Variants in MACF1 observed in about 807,000 individuals in gnomAD.
MACF1 encodes the protein microtubule actin crosslinking factor 1, also known as microtubule-actin cross-linking factor 1.
MACF1 carries 193 observed loss-of-function variants against 854.8 expected under a neutral mutation model. The observed-to-expected ratio is 0.23, with a 90% CI of 0.20 to 0.25. The LOEUF (loss-of-function observed/expected upper bound fraction) is 0.25. Ranked by LOEUF, MACF1 falls within the 10% of genes least tolerant of loss-of-function variation. The pLI is 1.00. For synonymous variants in MACF1, 3,185 were observed against 3,226.7 expected, an observed-to-expected ratio of 0.99 and a Z score of 0.44; for missense variants, 7,722 against 8,929.1, an observed-to-expected ratio of 0.86 and a Z score of 5.45.
In MACF1 at chr1:39,333,966, A is replaced by G; in HGVS notation, c.7378A>G (p.Ile2460Val). The G allele has an allele frequency of 6.2e-7, 1 of 1,614,220 alleles. No individual in the cohort carries two copies. Among genetic ancestry groups the G allele is most frequent in the Admixed American group, 1.7e-5 (1 of 60,026 alleles). ...DAEKTVRERL[I>V]SLQMETTGLI... ...TGAAAAAACAGTTAGGGAGAGATTA[A>G]TTAGTTTACAAATGGAAACAACAGG... The change falls in exon 37 of 101, where the codon ATT becomes GTT. Residue 2460 changes from isoleucine (I) to valine (V), a missense_variant. This residue lies in a region of MACF1 where 1,531 missense variants were observed against 1,601.6 expected (regional missense o/e 0.96). Coordinates refer to ENST00000564288, the MANE Select transcript of MACF1 (RefSeq NM_001394062.1).
At position 39,331,706 on chromosome 1, in the gene MACF1, G is replaced by C. The variant is rs758672397; in HGVS notation, c.5118G>C (p.Glu1706Asp). Residue 1706 changes from glutamate to aspartate, a missense_variant, in exon 37 of 101, where the codon GAG becomes GAC. Transcript: ENST00000564288. ...ATTTGATAGACCCTAACACAGCTGAGAAAATTGGTTTGCTGGATCTGATGC... is the reference window on the plus strand; with the variant it reads ...ATTTGATAGACCCTAACACAGCTGACAAAATTGGTTTGCTGGATCTGATGC... ...SKNLIDPNTAEKIGLLDLMQR... is the reference protein window; with the variant it reads ...SKNLIDPNTADKIGLLDLMQR... 6.2e-7 allele frequency: 1 copy of C among 1,614,052 alleles called. No individual in the cohort carries two copies. Among genetic ancestry groups the C allele is most frequent in the African/African-American group, 1.3e-5 (1 of 74,912 alleles).
chr1:39,219,939 C>T (rs895240875), intron 1 of MACF1, among the ~76,000 whole-genome samples: 27 of 151,814 alleles, frequency 1.8e-4, no homozygotes, highest in Admixed American at 1.3e-3. Flanking sequence ...TTAGTAGAGA[C>T]GGGGTTTTGC....
At position 39,336,326 on chromosome 1, in the gene MACF1, T is replaced by C; in HGVS notation, c.9738T>C (p.Asn3246=). 6.2e-7 allele frequency: 1 copy of C among 1,614,158 alleles called. No homozygotes were observed. The change falls in exon 37 of 101, where the codon AAT becomes AAC. Residue 3246 remains asparagine (N), a synonymous_variant. Coordinates refer to ENST00000564288, the MANE Select transcript of MACF1 (RefSeq NM_001394062.1). ...AATTTCTAGAAATGGCAAACCCTAATGTTGCAGGTCTAGAAGCAGGATCCA... is the reference window on the plus strand; with the variant it reads ...AATTTCTAGAAATGGCAAACCCTAACGTTGCAGGTCTAGAAGCAGGATCCA... ...GEKFLEMANP[N]VAGLEAGSIE...
intron 43 of MACF1, among the ~76,000 whole-genome samples, chr1:39,352,478 G>A (rs540785506): frequency 6.6e-6 from 1 of 152,288 alleles, no homozygotes; most frequent in South Asian, 2.1e-4. Flanking sequence ...TGCTGGGGTG[G>A]CAGGACTAAA....
At chr1:39,403,106 G>C in intron 58 of MACF1, among the ~76,000 whole-genome samples, 1 of 146,766 alleles carries the variant, frequency 6.8e-6, no homozygotes, top group African/African-American at 2.5e-5. Context: ...GTTTTGTTTT[G>C]TTTTGTTTTG....
chr1:39,159,946 T>C (rs1366084351), intron 2 of MACF1, among the ~76,000 whole-genome samples: 2 of 152,142 alleles, frequency 1.3e-5, no homozygotes, highest in Admixed American at 6.5e-5. Context: ...GGTATGTAGA[T>C]GTTTTACTTT....
intron 58 of MACF1, among the ~76,000 whole-genome samples, chr1:39,408,690 A>G (rs1001261548): frequency 5.3e-5 from 8 of 151,880 alleles, no homozygotes; most frequent in Non-Finnish European, 8.8e-5. Context: ...TTCCTTTGTC[A>G]GGGGATTTGC....
intron 36 of MACF1, among the ~76,000 whole-genome samples, chr1:39,330,480 A>T (rs549552070): frequency 6.6e-6 from 1 of 152,234 alleles, no homozygotes; most frequent in East Asian, 1.9e-4. Flanking sequence ...AACACCAAAA[A>T]CTTGTTGTAT....
intron 31 of MACF1, among the ~76,000 whole-genome samples, chr1:39,321,305 T>G (rs992479566): frequency 6.6e-6 from 1 of 152,238 alleles, no homozygotes; most frequent in African/African-American, 2.4e-5. Context: ...TGAGTGATTG[T>G]AAAGATTAAA....
In MACF1 at chr1:39,331,854, C is replaced by T. The variant is rs1286903117; in HGVS notation, c.5266C>T (p.Leu1756=). 6.2e-7 allele frequency: 1 copy of T among 1,613,976 alleles called. No homozygotes were observed. Among genetic ancestry groups the T allele is most frequent in the Non-Finnish European group, 8.5e-7 (1 of 1,180,020 alleles). The change falls in exon 37 of 101, where the codon CTA becomes TTA. Residue 1756 remains leucine, a synonymous_variant. Coordinates refer to ENST00000564288, the MANE Select transcript of MACF1 (RefSeq NM_001394062.1). ...CATTTTCCGTGCAGTTCAGGAAGGGCTAATAGATAGGCAGGTCACTGTCCG... is the reference window on the plus strand; with the variant it reads ...CATTTTCCGTGCAGTTCAGGAAGGGTTAATAGATAGGCAGGTCACTGTCCG... ...VSIFRAVQEG[L]IDRQVTVRLL...
At chr1:39,424,863 T>C (rs1399600033) in intron 61 of MACF1, among the ~76,000 whole-genome samples, 2 of 152,220 alleles carry the variant, frequency 1.3e-5, no homozygotes, top group Admixed American at 6.5e-5. Flanking sequence ...ATAAGAGAGC[T>C]GATCATTTGT....
intron 2 of MACF1, among the ~76,000 whole-genome samples, chr1:39,154,733 T>TA (rs1348934046): frequency 6.6e-6 from 1 of 151,932 alleles, no homozygotes; most frequent in African/African-American, 2.4e-5. Flanking sequence ...TTTTTTTTTT[T>TA]AACAGCCATC....
chr1:39,345,452 A>G (rs1466157334), intron 40 of MACF1, among the ~76,000 whole-genome samples: 2 of 152,084 alleles, frequency 1.3e-5, no homozygotes, highest in Non-Finnish European at 2.9e-5. Context: ...TCTACAGATA[A>G]CTTAAAAAAT....
At chr1:39,476,651 A>G (rs1644889848) in intron 97 of MACF1, among the ~76,000 whole-genome samples, 6 of 152,236 alleles carry the variant, frequency 3.9e-5, no homozygotes, top group Admixed American at 3.9e-4. Flanking sequence ...TTGTCACAGC[A>G]TTGGCTACAA....
At chr1:39,365,290 A>G (rs559048085) in intron 49 of MACF1, among the ~76,000 whole-genome samples, 10 of 152,052 alleles carry the variant, frequency 6.6e-5, no homozygotes, top group African/African-American at 1.9e-4. Flanking sequence ...GTTAGCCAGG[A>G]TGGTCTCGAT....
chr1:39,467,412 G>T (rs1644693604), intron 95 of MACF1, among the ~76,000 whole-genome samples: 1 of 152,062 alleles, frequency 6.6e-6, no homozygotes, highest in Non-Finnish European at 1.5e-5. Flanking sequence ...CATACCCGAG[G>T]AACCCTTGAA....
chr1:39,411,253 A>G (rs957488582), intron 58 of MACF1: 7 of 1,613,812 alleles, frequency 4.3e-6, no homozygotes, highest in East Asian at 2.2e-5. Flanking sequence ...ATGGATTATG[A>G]TGGAGGCTGA....
chr1:39,105,158 G>A lies in MACF1; in HGVS notation c.220+20720G>A, dbSNP rs1270613581. On this transcript the variant is annotated intron_variant, in intron 2 of 93. Transcript: ENST00000361689. The surrounding 1 kb of genome is among the most constrained non-coding windows in gnomAD (Gnocchi z 5.9). ...GCCGGCCTCTCGCGCCCCTCGGCTC[G>A]GGCCCCAGTCCGGGCCGGGCGGGGG... Among the ~76,000 whole-genome samples, 1 of 151,808 alleles carries A rather than the reference G, an allele frequency of 6.6e-6. No individual in the cohort carries two copies. Among genetic ancestry groups the A allele is most frequent in the Non-Finnish European group, 1.5e-5 (1 of 67,874 alleles).
intron 58 of MACF1, chr1:39,411,143 G>A (rs1348135031): frequency 1.9e-6 from 3 of 1,613,706 alleles, no homozygotes; most frequent in Non-Finnish European, 1.7e-6. Context: ...CTCTCCCCTT[G>A]CCTGAGTGAA....
Sources: allele counts gnomAD v4.1 joint callset (sites outside exome capture counted in the v4.1 genomes callset), GRCh38; gene constraint gnomAD v4.1.1; regional missense constraint gnomAD v4.1.1; non-coding constraint Gnocchi (gnomAD v3.1); transcripts MANE v1.5; gene names NCBI Gene and HGNC (gene_info 2026-07-23, HGNC 2026-07-21).